PVT1: variants seen among roughly 807,000 people sequenced by gnomAD.
The protein encoded by PVT1 is Pvt1 oncogene, also known as CXCR4/PVT1 fusion.
chr8:128,038,383 G>T (rs900018245), intron 4 of PVT1, among the ~76,000 whole-genome samples: 1 of 152,132 alleles, frequency 6.6e-6, no homozygotes, highest in African/African-American at 2.4e-5. Context: ...CACTTCCCTG[G>T]GTGTGAGGTT....
chr8:128,084,116 CA>C (rs1814225697), intron 5 of PVT1, among the ~76,000 whole-genome samples: 2 of 152,146 alleles, frequency 1.3e-5, no homozygotes. Flanking sequence ...CCTTGGCAGC[CA>C]GGGGATCCTT....
At chr8:127,795,092 G>C (rs1487530800) in intron 1 of PVT1, among the ~76,000 whole-genome samples, 4 of 152,184 alleles carry the variant, frequency 2.6e-5, no homozygotes, top group African/African-American at 9.6e-5. Context: ...GTCTGTGAAT[G>C]TGTGATCCTC....
chr8:128,014,853 C>G (rs1019533215), intron 4 of PVT1, among the ~76,000 whole-genome samples: 1 of 152,114 alleles, frequency 6.6e-6, no homozygotes, highest in Non-Finnish European at 1.5e-5. Flanking sequence ...GTCTTGTGCC[C>G]TGAACTTTCT....
intron 4 of PVT1, among the ~76,000 whole-genome samples, chr8:128,009,345 T>A (rs7017456): frequency 2.0e-5 from 3 of 151,982 alleles, no homozygotes; most frequent in African/African-American, 4.8e-5. Context: ...TACAAAAAAG[T>A]CCTATTCTAT....
intron 2 of PVT1, among the ~76,000 whole-genome samples, chr8:127,888,468 A>G (rs1339051764): frequency 6.6e-6 from 1 of 152,186 alleles, no homozygotes; most frequent in East Asian, 1.9e-4. Context: ...CTAAATGTCC[A>G]CATCCGAATC....
intron 3 of PVT1, among the ~76,000 whole-genome samples, chr8:127,927,251 G>A (rs1174665812): frequency 6.6e-6 from 1 of 152,182 alleles, no homozygotes; most frequent in East Asian, 1.9e-4. Context: ...GCAGTGACTA[G>A]CATCGAGGGG....
At chr8:127,825,522 T>G (rs547747886) in intron 2 of PVT1, among the ~76,000 whole-genome samples, 7 of 152,262 alleles carry the variant, frequency 4.6e-5, no homozygotes, top group Admixed American at 1.3e-4. Flanking sequence ...GCGTGGAAAA[T>G]GAGAGTAGCT....
intron 4 of PVT1, among the ~76,000 whole-genome samples, chr8:128,058,290 G>T (rs1248151567): frequency 6.6e-6 from 1 of 151,856 alleles, no homozygotes; most frequent in Non-Finnish European, 1.5e-5. Flanking sequence ...TTTATTTCAC[G>T]TCTTATTATA....
At chr8:127,803,862 A>G (rs1231115627) in intron 2 of PVT1, among the ~76,000 whole-genome samples, 1 of 151,944 alleles carries the variant, frequency 6.6e-6, no homozygotes, top group Non-Finnish European at 1.5e-5. Context: ...CTGGAGTTAC[A>G]GCCTTGTGCC....
At chr8:127,910,907 G>GTT (rs1815889409) in intron 3 of PVT1, among the ~76,000 whole-genome samples, 2 of 143,012 alleles carry the variant, frequency 1.4e-5, no homozygotes, top group Non-Finnish European at 3.1e-5. Context: ...GTGTGTGTGT[G>GTT]TGTGTGAGAG....
chr8:127,893,345 C>G (rs935413154), intron 3 of PVT1, among the ~76,000 whole-genome samples: 1 of 152,094 alleles, frequency 6.6e-6, no homozygotes, highest in Admixed American at 6.5e-5. Flanking sequence ...GGCGCAATCT[C>G]GGCTCACTGC....
intron 3 of PVT1, among the ~76,000 whole-genome samples, chr8:127,986,210 C>T (rs1391572938): frequency 6.6e-6 from 1 of 152,210 alleles, no homozygotes; most frequent in Non-Finnish European, 1.5e-5. Flanking sequence ...CTGTGGCATG[C>T]TTGATATTCT....
chr8:127,859,796 A>G (rs1586410241), intron 2 of PVT1, among the ~76,000 whole-genome samples: 8 of 152,000 alleles, frequency 5.3e-5, no homozygotes, highest in Admixed American at 2.6e-4. Flanking sequence ...TATCTGTACC[A>G]TGGGGATGAT....
intron 3 of PVT1, among the ~76,000 whole-genome samples, chr8:127,981,246 A>T (rs1816879964): frequency 6.6e-6 from 1 of 152,124 alleles, no homozygotes; most frequent in Non-Finnish European, 1.5e-5. Flanking sequence ...GCTTGGTCCA[A>T]CCTCTTTCCT....
At chr8:128,021,068 G>A (rs1817427635) in intron 4 of PVT1, among the ~76,000 whole-genome samples, 1 of 152,036 alleles carries the variant, frequency 6.6e-6, no homozygotes, top group South Asian at 2.1e-4. Flanking sequence ...CTTCCTTAGG[G>A]GTCTTTTCAA....
intron 4 of PVT1, among the ~76,000 whole-genome samples, chr8:128,056,389 G>A (rs911428140): frequency 4.6e-5 from 7 of 152,086 alleles, no homozygotes; most frequent in African/African-American, 1.2e-4. Context: ...ATGTGTCTGC[G>A]TATACACCTA....
intron 3 of PVT1, chr8:127,932,337 C>T (rs1429775199): frequency 2.5e-6 from 1 of 398,336 alleles, no homozygotes. Context: ...TGCCCCTCTC[C>T]TGGTAAAGGG....
exon 3 of PVT1, chr8:127,890,913 T>G (rs965471570): frequency 2.6e-5 from 4 of 152,274 alleles, no homozygotes; most frequent in African/African-American, 7.2e-5. Context: ...CAACTTCCTT[T>G]GGGTCTCCCT....
intron 2 of PVT1, among the ~76,000 whole-genome samples, chr8:127,815,229 A>G (rs748848705): frequency 3.1e-4 from 47 of 152,168 alleles, no homozygotes; most frequent in Non-Finnish European, 5.1e-4. Context: ...GGCCTCCCTA[A>G]GTGCTGGGAT....
Sources: allele counts gnomAD v4.1 joint callset (sites outside exome capture counted in the v4.1 genomes callset), GRCh38; gene constraint gnomAD v4.1.1; transcripts MANE v1.5; gene names NCBI Gene and HGNC (gene_info 2026-07-23, HGNC 2026-07-21).